The following CCNA2 variants were observed in gnomAD, a reference collection of about 807,000 sequenced individuals.
The protein encoded by CCNA2 is cyclin-A2.
A neutral mutation model predicts 49.4 loss-of-function variants in CCNA2; 3 were observed. That is an observed-to-expected ratio of 0.06 (90% confidence interval 0.03 to 0.16). The LOEUF is 0.16. CCNA2 is among the 10% of genes least tolerant of loss of function. CCNA2 has a pLI of 1.00. For missense variants in CCNA2, 372 were observed against 519.7 expected (o/e 0.72, Z 2.76); for synonymous variants, 206 against 197.2 (o/e 1.04, Z -0.37).
Position 121,816,552 on chromosome 4 carries a change from G to A in CCNA2, c.*1086C>T. On this transcript the variant is annotated 3_prime_UTR_variant, in exon 8 of 8. Transcript: ENST00000274026. Reference sequence around the variant, plus strand: ...CTTGCCACATGACTATAAACAAAAAGACATCCCTTTTTCATTAGAGATCCA... The same window carrying A: ...CTTGCCACATGACTATAAACAAAAAAACATCCCTTTTTCATTAGAGATCCA... The A allele has an allele frequency of 1.2e-6, 1 of 855,422 alleles. No homozygotes were observed. The highest frequency in any genetic ancestry group is 1.8e-6 in the Non-Finnish European group (1 of 559,982). The allele number at this position is 855,422 out of a possible 1,614,324, so 53.0% of individuals were successfully genotyped here.
chr4:121,823,554 C>G lies in CCNA2; in HGVS notation c.75G>C (p.Ala25=). 1 of 1,611,558 alleles carries G rather than the reference C, an allele frequency of 6.2e-7. No homozygotes were observed. Among genetic ancestry groups the G allele is most frequent in the South Asian group, 1.1e-5 (1 of 90,614 alleles). Reference sequence around the variant, plus strand: ...TGATATTCTCCTGGTCCTCTTGGAGCGCCGTCTGCTGCAATGCTAGCAGCG... The same window carrying G: ...TGATATTCTCCTGGTCCTCTTGGAGGGCCGTCTGCTGCAATGCTAGCAGCG... ...GSALLALQQT[A]LQEDQENINP... The change falls in exon 1 of 8, where the codon GCG becomes GCC. Residue 25 remains alanine, a synonymous_variant. Coordinates refer to ENST00000274026, the MANE Select transcript of CCNA2 (RefSeq NM_001237.5).
At position 121,816,522 on chromosome 4, in the gene CCNA2, CTCA is replaced by C; in HGVS notation, c.*1113_*1115del. 1.0e-6 allele frequency: 1 copy of C among 987,648 alleles called. No individual in the cohort carries two copies. Among genetic ancestry groups the C allele is most frequent in the East Asian group, 2.5e-5 (1 of 39,916 alleles). The allele number at this position is 987,648 out of a possible 1,614,324, so 61.2% of individuals were successfully genotyped here. On this transcript the variant is annotated 3_prime_UTR_variant, in exon 8 of 8. Coordinates refer to ENST00000274026, the MANE Select transcript of CCNA2 (RefSeq NM_001237.5). The stretch of plus-strand genomic sequence containing the variant: ...TAGAGGTTTGCTCTCTGGTTTTACT[CTCA>C]TCTTGCCACATGACTATAAACAAAA...
chr4:121,821,233 G>C, intron 2 of CCNA2, 142 bp from the exon 3 acceptor site: 8 of 1,033,784 alleles, frequency 7.7e-6, no homozygotes, highest in Non-Finnish European at 1.0e-5. Flanking sequence ...GACAAAATAT[G>C]TAGAATATTT....
chr4:121,822,848 G>C (rs1724724251), intron 1 of CCNA2, among the ~76,000 whole-genome samples: 2 of 152,154 alleles, frequency 1.3e-5, no homozygotes, highest in Admixed American at 1.3e-4. Context: ...GATAACACTA[G>C]GTGGAATTAT....
chr4:121,816,895 G>C lies in CCNA2; in HGVS notation c.*743C>G, dbSNP rs1194023645. On this transcript the variant is annotated 3_prime_UTR_variant, in exon 8 of 8. Transcript: ENST00000274026. ...ATATCTGTATATATAACTATTAAAA[G>C]GGATATTTATTCCATTCTGAGAACC... 4.7e-6 allele frequency: 7 copies of C among 1,474,968 alleles called. No homozygotes were observed. The highest frequency in any genetic ancestry group is 6.3e-6 in the Non-Finnish European group (7 of 1,102,992). 91.4% of individuals were successfully genotyped at this position (1,474,968 alleles called of 1,614,324 possible). A position where few individuals can be genotyped will look rare whatever the true frequency, so the allele number is the denominator to read the frequency against.
In CCNA2 at chr4:121,816,657, C is replaced by CT. The variant is rs1343436971; in HGVS notation, c.*980dup. 9.2e-6 allele frequency: 10 copies of CT among 1,081,736 alleles called. No homozygotes were observed. Among genetic ancestry groups the CT allele is most frequent in the Non-Finnish European group, 1.2e-5 (9 of 777,010 alleles). The allele number at this position is 1,081,736 out of a possible 1,614,324, so 67.0% of individuals were successfully genotyped here. A position where few individuals can be genotyped will look rare whatever the true frequency, so the allele number is the denominator to read the frequency against. On this transcript the variant is annotated 3_prime_UTR_variant, in exon 8 of 8. Transcript: ENST00000274026. ...TAATATAAACTTCTTGGATGCCAGT[C>CT]TTACTCATAGCTGACACATTTTAGA...
rs1193063973 is a variant in CCNA2, at chr4:121,820,130, AG to A, written c.794+411del. ...TAATTTTTGTATTTTTAGTAGAGACAGGGTTTCGCCATGATGGCCAGGCTGG... is the reference window on the plus strand; with the variant it reads ...TAATTTTTGTATTTTTAGTAGAGACAGGTTTCGCCATGATGGCCAGGCTGG... On this transcript the variant is annotated intron_variant, in intron 4 of 7. Transcript: ENST00000274026. This position sits in a 1 kb window ranked among gnomAD's most constrained non-coding sequence, Gnocchi z 4.1. Among the ~76,000 whole-genome samples the A allele has an allele frequency of 2.0e-5, 3 of 151,828 alleles. No individual in the cohort carries two copies. The highest frequency in any genetic ancestry group is 2.9e-5 in the Non-Finnish European group (2 of 67,902).
chr4:121,821,511 A>G (rs949964286), intron 2 of CCNA2, among the ~76,000 whole-genome samples: 2 of 152,212 alleles, frequency 1.3e-5, no homozygotes, highest in African/African-American at 4.8e-5. Flanking sequence ...ATAAAGCACA[A>G]GTAGGCAATA....
In CCNA2 at chr4:121,820,721, G is replaced by A; in HGVS notation, c.615C>T (p.Asp205=). The A allele has an allele frequency of 1.2e-6, 2 of 1,613,766 alleles. No homozygotes were observed. The highest frequency in any genetic ancestry group is 4.5e-5 in the East Asian group (2 of 44,886). The change falls in exon 4 of 8, where the codon GAC becomes GAT. Residue 205 remains aspartate, a synonymous_variant. Coordinates refer to ENST00000274026, the MANE Select transcript of CCNA2 (RefSeq NM_001237.5). This position sits in a 1 kb window ranked among gnomAD's most constrained non-coding sequence, Gnocchi z 4.1. ...PKVGYMKKQP[D]ITNSMRAILV... ...GGATAGCTCTCATACTGTTAGTGAT[G>A]TCTGGCTGTTTCTTCATGTAACCCA...
At chr4:121,821,126 G>A (rs756376701) in intron 2 of CCNA2, 35 bp from the exon 3 acceptor site, 2 of 1,592,914 alleles carry the variant, frequency 1.3e-6, no homozygotes, top group South Asian at 2.3e-5. Context: ...TAAATTAATT[G>A]TTTGCCTATT....
At chr4:121,819,119 T>C (rs535743148) in intron 5 of CCNA2, among the ~76,000 whole-genome samples, 14 of 152,296 alleles carry the variant, frequency 9.2e-5, no homozygotes, top group African/African-American at 3.4e-4. Flanking sequence ...TTATTAACTT[T>C]TAAAAAACAA....
In CCNA2 at chr4:121,816,459, C is replaced by T; in HGVS notation, c.*1179G>A. 6.6e-7 allele frequency: 1 copy of T among 1,525,038 alleles called. No individual in the cohort carries two copies. 94.5% of individuals were successfully genotyped at this position (1,525,038 alleles called of 1,614,324 possible). The stretch of plus-strand genomic sequence containing the variant: ...CCAAAGAAAATAAGGTAACAAATTT[C>T]TGGTTTATTTCAAATGTATACATAT... On this transcript the variant is annotated 3_prime_UTR_variant, in exon 8 of 8. Coordinates refer to ENST00000274026, the MANE Select transcript of CCNA2 (RefSeq NM_001237.5).
chr4:121,817,937 C>T, intron 7 of CCNA2, 107 bp downstream of exon 7: 1 of 1,186,552 alleles, frequency 8.4e-7, no homozygotes. Flanking sequence ...ATTTAGAGAA[C>T]AGCTTCTCAA....
In CCNA2 at chr4:121,817,214, A is replaced by C. The variant is rs1209751768; in HGVS notation, c.*424T>G. The C allele has an allele frequency of 8.8e-6, 2 of 228,196 alleles. No homozygotes were observed. The highest frequency in any genetic ancestry group is 1.1e-4 in the East Asian group (1 of 9,458). The allele number at this position is 228,196 out of a possible 1,614,324, so 14.1% of individuals were successfully genotyped here. ...AGATTATGCCCAAGTCAGCAAATTG[A>C]TCCAGTTGCTTAGGAAAATGAATGT... On this transcript the variant is annotated 3_prime_UTR_variant, in exon 8 of 8. Coordinates refer to ENST00000274026, the MANE Select transcript of CCNA2 (RefSeq NM_001237.5).
rs549001068 is a variant in CCNA2 at position 121,820,079 on chromosome 4, T to C, written c.794+463A>G. On this transcript the variant is annotated intron_variant, in intron 4 of 7. Transcript: ENST00000274026. The surrounding 1 kb of genome is among the most constrained non-coding windows in gnomAD (Gnocchi z 4.1). The stretch of plus-strand genomic sequence containing the variant: ...CCTCAGCCTCCCTAGTAGCTGAGAT[T>C]ACAGGCATGCATCACCATGCCCAGC... Among the ~76,000 whole-genome samples the C allele has an allele frequency of 6.6e-6, 1 of 152,058 alleles. No individual in the cohort carries two copies. The highest frequency in any genetic ancestry group is 1.9e-4 in the East Asian group (1 of 5,158).
chr4:121,816,936 T>C lies in CCNA2; in HGVS notation c.*702A>G. The C allele has an allele frequency of 7.8e-7, 1 of 1,285,564 alleles. No individual in the cohort carries two copies. Among genetic ancestry groups the C allele is most frequent in the Non-Finnish European group, 1.0e-6 (1 of 966,562 alleles). The allele number at this position is 1,285,564 out of a possible 1,614,324, so 79.6% of individuals were successfully genotyped here. A position where few individuals can be genotyped will look rare whatever the true frequency, so the allele number is the denominator to read the frequency against. ...TCTGAGAACCCTGGGTATTTTTTATTCACAAATCCATTATAAAATCTAGCA... is the reference window on the plus strand; with the variant it reads ...TCTGAGAACCCTGGGTATTTTTTATCCACAAATCCATTATAAAATCTAGCA... On this transcript the variant is annotated 3_prime_UTR_variant, in exon 8 of 8. Transcript: ENST00000274026.
intron 5 of CCNA2, among the ~76,000 whole-genome samples, 191 bp from the exon 6 acceptor site, chr4:121,819,104 C>T (rs546601223): frequency 6.6e-6 from 1 of 152,042 alleles, no homozygotes; most frequent in Non-Finnish European, 1.5e-5. Context: ...TGTATTTTCC[C>T]TCCTTTATTA....
At position 121,822,516 on chromosome 4, in the gene CCNA2, G is replaced by A. The variant is rs1385254943; in HGVS notation, c.344C>T (p.Ala115Val). The A allele has an allele frequency of 1.2e-6, 2 of 1,614,104 alleles. No individual in the cohort carries two copies. The highest frequency in any genetic ancestry group is 2.7e-5 in the African/African-American group (2 of 75,034). ...EAEKEAQKKP[A>V]ESQKIEREDA... is the part of the protein sequence containing the mutation. ...TTCACGCTCTATTTTTTGAGATTCA[G>A]CTGGCTTCTTCTGAGCTTCTTTTTC... is the stretch of plus-strand genomic sequence containing the variant. Residue 115 changes from alanine to valine, a missense_variant, in exon 2 of 8, where the codon GCT becomes GTT. This residue lies in a region of CCNA2 where 217 missense variants were observed against 231.7 expected (regional missense o/e 0.94). Coordinates refer to ENST00000274026, the MANE Select transcript of CCNA2 (RefSeq NM_001237.5).
Position 121,817,533 on chromosome 4 carries a change from C to T in CCNA2, c.*105G>A. On this transcript the variant is annotated 3_prime_UTR_variant, in exon 8 of 8. Coordinates refer to ENST00000274026, the MANE Select transcript of CCNA2 (RefSeq NM_001237.5). Reference sequence around the variant, plus strand: ...TACCATAATTTGTACTTGGCCACAACTTCTGTATTCAGAAATGATTGTAAA... The same window carrying T: ...TACCATAATTTGTACTTGGCCACAATTTCTGTATTCAGAAATGATTGTAAA... The T allele has an allele frequency of 7.1e-7, 1 of 1,402,434 alleles. No individual in the cohort carries two copies. The highest frequency in any genetic ancestry group is 9.8e-7 in the Non-Finnish European group (1 of 1,017,874). 86.9% of individuals were successfully genotyped at this position (1,402,434 alleles called of 1,614,324 possible).
Sources: allele counts gnomAD v4.1 joint callset (sites outside exome capture counted in the v4.1 genomes callset), GRCh38; gene constraint gnomAD v4.1.1; regional missense constraint gnomAD v4.1.1; non-coding constraint Gnocchi (gnomAD v3.1); transcripts MANE v1.5; gene names NCBI Gene and HGNC (gene_info 2026-07-23, HGNC 2026-07-21).